SGCD: variants seen among roughly 807,000 people sequenced by gnomAD.
SGCD encodes the protein sarcoglycan delta, also known as delta-sarcoglycan.
Under a neutral mutation model 36.6 loss-of-function variants are expected in SGCD, and 18 were observed. The observed-to-expected ratio is 0.49, with a 90% CI of 0.34 to 0.73. SGCD has a LOEUF of 0.73. SGCD is among the 30% of genes least tolerant of loss of function. SGCD has a pLI of 0.01. For synonymous variants in SGCD, 133 were observed against 130.6 expected, an observed-to-expected ratio of 1.02 and a Z score of -0.12; for missense variants, 387 against 346.7, an observed-to-expected ratio of 1.12 and a Z score of -0.92.
At chr5:156,329,221 A>C (rs1767955262) in intron 1 of SGCD, among the ~76,000 whole-genome samples, 1 of 152,188 alleles carries the variant, frequency 6.6e-6, no homozygotes, top group South Asian at 2.1e-4. Context: ...GAATGGCCAC[A>C]ACACAAACTG....
intron 3 of SGCD, among the ~76,000 whole-genome samples, chr5:156,256,546 G>C (rs1399894224): frequency 1.3e-5 from 2 of 152,030 alleles, no homozygotes; most frequent in African/African-American, 4.8e-5. Context: ...GATATATGAT[G>C]ATTTATTTAT....
intron 7 of SGCD, among the ~76,000 whole-genome samples, chr5:156,719,624 G>A (rs1352489664): frequency 6.6e-6 from 1 of 152,074 alleles, no homozygotes; most frequent in African/African-American, 2.4e-5. Context: ...ATAGTCTGTG[G>A]TGGATGGTGT....
At chr5:156,126,397 A>T (rs1291342864) in intron 3 of SGCD, among the ~76,000 whole-genome samples, 2 of 152,288 alleles carry the variant, frequency 1.3e-5, no homozygotes, top group South Asian at 4.1e-4. Context: ...GTTTTAAAGG[A>T]CTTGGCTATA....
In SGCD at chr5:156,342,807, C is replaced by T. The variant is rs540572341; in HGVS notation, c.4-1682C>T. Among the ~76,000 whole-genome samples the T allele has an allele frequency of 3.7e-4, 56 of 152,316 alleles. 4 individuals carry two copies. In the South Asian group the frequency reaches 0.011, roughly 31 times the overall value. Reference sequence around the variant, plus strand: ...GGTATTTAGCTTAAACCTTTACATACCCCCAGACAGCAGCAGAGCTGGTAG... The same window carrying T: ...GGTATTTAGCTTAAACCTTTACATATCCCCAGACAGCAGCAGAGCTGGTAG... On this transcript the variant is annotated intron_variant, in intron 2 of 8. Coordinates refer to ENST00000337851, the MANE Select transcript of SGCD (RefSeq NM_000337.6).
At chr5:156,657,431 G>A (rs1228089564) in intron 7 of SGCD, among the ~76,000 whole-genome samples, 1 of 131,476 alleles carries the variant, frequency 7.6e-6, no homozygotes, top group Non-Finnish European at 1.5e-5. Context: ...GGAGTGTGAT[G>A]TTCCCCTTCC....
At chr5:156,165,336 A>G (rs1354312390) in intron 3 of SGCD, among the ~76,000 whole-genome samples, 1 of 152,238 alleles carries the variant, frequency 6.6e-6, no homozygotes, top group Non-Finnish European at 1.5e-5. Flanking sequence ...GTTGTGTGAA[A>G]TCAAAACTTT....
At chr5:156,544,849 T>A (rs1758500478) in intron 4 of SGCD, among the ~76,000 whole-genome samples, 3 of 152,212 alleles carry the variant, frequency 2.0e-5, no homozygotes, top group Admixed American at 2.0e-4. Context: ...CACTTGGAAC[T>A]GGATGTTAAT....
At chr5:156,347,465 T>C (rs1769009800) in intron 3 of SGCD, among the ~76,000 whole-genome samples, 1 of 152,084 alleles carries the variant, frequency 6.6e-6, no homozygotes, top group Non-Finnish European at 1.5e-5. Flanking sequence ...TGACTTCTGG[T>C]TGGATGTAGG....
intron 4 of SGCD, among the ~76,000 whole-genome samples, chr5:156,543,254 A>C (rs1056209184): frequency 2.0e-5 from 3 of 152,172 alleles, no homozygotes; most frequent in African/African-American, 7.2e-5. Context: ...CATATACACT[A>C]GTCATGACAG....
intron 3 of SGCD, among the ~76,000 whole-genome samples, chr5:156,251,906 C>T (rs1319428777): frequency 1.3e-5 from 2 of 152,074 alleles, no homozygotes; most frequent in Non-Finnish European, 2.9e-5. Flanking sequence ...TCCTCATTAA[C>T]CTTGGACCAT....
intron 3 of SGCD, among the ~76,000 whole-genome samples, chr5:156,281,213 A>T (rs1457771050): frequency 6.6e-6 from 1 of 152,146 alleles, no homozygotes; most frequent in Non-Finnish European, 1.5e-5. Flanking sequence ...TAGGGATTAG[A>T]TTACTAATTT....
the SGCD span, among the ~76,000 whole-genome samples, chr5:155,833,012 A>G: frequency 6.8e-6 from 1 of 146,802 alleles, no homozygotes; most frequent in African/African-American, 2.6e-5. Context: ...GTTCAAGACC[A>G]GCCCGGTCAA....
rs549618044 is a variant in SGCD, at chr5:156,656,473, G to C, written c.575+8937G>C. ...GAGAAAAGGTAAAAACCAACAAATAGGTCTTATAATTCAAAAGGAATGGTT... is the reference window on the plus strand; with the variant it reads ...GAGAAAAGGTAAAAACCAACAAATACGTCTTATAATTCAAAAGGAATGGTT... On this transcript the variant is annotated intron_variant, in intron 7 of 8. Coordinates refer to ENST00000337851, the MANE Select transcript of SGCD (RefSeq NM_000337.6). Among the ~76,000 whole-genome samples, 6 of 152,120 alleles carry C rather than the reference G, an allele frequency of 3.9e-5. No homozygotes were observed. The South Asian group carries it at 1.0e-3, about 26-fold the overall frequency.
At chr5:156,638,233 C>CA (rs1489329231) in intron 6 of SGCD, among the ~76,000 whole-genome samples, 1 of 151,998 alleles carries the variant, frequency 6.6e-6, no homozygotes, top group Non-Finnish European at 1.5e-5. Flanking sequence ...ACTGAGGACA[C>CA]AGCGTATCAT....
intron 7 of SGCD, among the ~76,000 whole-genome samples, chr5:156,696,887 C>G (rs1226582940): frequency 6.6e-6 from 1 of 150,712 alleles, no homozygotes; most frequent in Non-Finnish European, 1.5e-5. Flanking sequence ...TCTTAGAACC[C>G]TCTTCTCTCC....
intron 3 of SGCD, among the ~76,000 whole-genome samples, chr5:156,285,887 A>C: frequency 6.6e-6 from 1 of 152,226 alleles, no homozygotes; most frequent in Non-Finnish European, 1.5e-5. Context: ...GTGAACAGGC[A>C]ACCTACAAAA....
At chr5:156,195,160 T>C (rs892549305) in intron 3 of SGCD, among the ~76,000 whole-genome samples, 2 of 152,238 alleles carry the variant, frequency 1.3e-5, no homozygotes, top group African/African-American at 2.4e-5. Flanking sequence ...AGTTGATTAA[T>C]ATCTGGTTTG....
At chr5:156,495,271 A>T (rs751202093) in intron 3 of SGCD, among the ~76,000 whole-genome samples, 7 of 152,146 alleles carry the variant, frequency 4.6e-5, no homozygotes, top group Non-Finnish European at 1.0e-4. Context: ...GACTGGGAGT[A>T]TGTCTGATGC....
At chr5:156,200,680 C>G (rs182504471) in intron 3 of SGCD, among the ~76,000 whole-genome samples, 3 of 152,232 alleles carry the variant, frequency 2.0e-5, no homozygotes, top group East Asian at 1.9e-4. Flanking sequence ...AGTATGGAGG[C>G]TCCTCAAAAA....
Sources: gnomAD v4.1 joint callset for allele counts (sites outside exome capture counted in the v4.1 genomes callset) on GRCh38, gnomAD v4.1.1 for gene constraint, MANE v1.5 for transcripts, NCBI Gene and HGNC (gene_info 2026-07-23, HGNC 2026-07-21) for gene names.